Variants in FANCG observed in about 807,000 individuals in gnomAD.
FANCG encodes FA complementation group G, also known as Fanconi anemia group G protein.
A neutral mutation model predicts 73.3 loss-of-function variants in FANCG; 67 were observed. The ratio of observed to expected loss-of-function variants is 0.91; its 90% CI spans 0.75 to 1.12. The LOEUF is 1.12. Among genes scored for constraint, FANCG ranks in the 50% most tolerant of loss-of-function variants. The pLI, the probability that FANCG is intolerant of heterozygous loss-of-function variation, is 0.00. For synonymous variants in FANCG, 297 were observed against 311.6 expected (o/e 0.95, Z 0.49); for missense variants, 643 against 735.6 (o/e 0.87, Z 1.46).
Position 35,076,596 on chromosome 9 carries a change from G to C in FANCG, c.925-13C>G. 6.2e-7 allele frequency: 1 copy of C among 1,613,990 alleles called. No individual in the cohort carries two copies. The highest frequency in any genetic ancestry group is 8.5e-7 in the Non-Finnish European group (1 of 1,179,982). On this transcript the variant is annotated splice_polypyrimidine_tract_variant and intron_variant, in intron 7 of 13. Coordinates refer to ENST00000378643, the MANE Select transcript of FANCG (RefSeq NM_004629.2). Reference sequence around the variant, plus strand: ...GGACATTCAAGGCCTAAAAGAGAAAGAAAAAAATTGTATCTATAATCTTTG... The same window carrying C: ...GGACATTCAAGGCCTAAAAGAGAAACAAAAAAATTGTATCTATAATCTTTG...
rs1333976481 is a variant in FANCG at position 35,077,058 on chromosome 9, G to C, written c.690C>G (p.Ser230Arg). Residue 230 changes from serine to arginine, a missense_variant, in exon 6 of 14, where the codon AGC becomes AGG. Transcript: ENST00000378643. ...LITGNPDKALSSLHEAASGLC... is the reference protein window; with the variant it reads ...LITGNPDKALRSLHEAASGLC... ...GGCCTGAGGCCGCTTCATGAAGGCT[G>C]CTTAGTGCCTTGTCTGGGTTCCCTG... The C allele has an allele frequency of 6.2e-7, 1 of 1,614,126 alleles. No individual in the cohort carries two copies. Among genetic ancestry groups the C allele is most frequent in the Admixed American group, 1.7e-5 (1 of 60,010 alleles).
rs770011456 is a variant in FANCG, at chr9:35,075,082, C to G, written c.1481G>C (p.Gly494Ala). 1 of 1,613,894 alleles carries G rather than the reference C, an allele frequency of 6.2e-7. No homozygotes were observed. Residue 494 changes from glycine to alanine, a missense_variant and splice_region_variant, in exon 12 of 14, where the codon GGG (glycine) becomes GCG (alanine). Transcript: ENST00000378643. ...FRATPEEKEQ[G>A]AAFNCEQGCK... ...TCCCTGCTCACAGTTGAAAGCTGCC[C>G]CTGGGGACCACTCCCAAAGTCAAGA...
chr9:35,078,248 G>T lies in FANCG; in HGVS notation c.403C>A (p.Leu135Met). 1 of 1,614,194 alleles carries T rather than the reference G, an allele frequency of 6.2e-7. No individual in the cohort carries two copies. Among genetic ancestry groups the T allele is most frequent in the Non-Finnish European group, 8.5e-7 (1 of 1,180,036 alleles). The change falls in exon 4 of 14, where the codon CTG becomes ATG. Residue 135 changes from leucine (L) to methionine (M), a missense_variant. Coordinates refer to ENST00000378643, the MANE Select transcript of FANCG (RefSeq NM_004629.2). The part of the protein sequence containing the change: ...VLRASCLLPE[L>M]LSALHRLVGL... ...ACCAGGCGGTGCAGGGCAGACAGCA[G>T]CTCCGGCAGAAGGCAGGAAGCACGA...
rs749563301 is a variant in FANCG, at chr9:35,076,890, C to A, written c.778-20G>T. The A allele has an allele frequency of 6.2e-7, 1 of 1,614,098 alleles. No homozygotes were observed. The highest frequency in any genetic ancestry group is 8.5e-7 in the Non-Finnish European group (1 of 1,180,050). On this transcript the variant is annotated intron_variant, in intron 6 of 13. Coordinates refer to ENST00000378643, the MANE Select transcript of FANCG (RefSeq NM_004629.2). ...ATTTCCCTAAAGGGATAGGAGGACA[C>A]GGGCCTCAGCTACCCTTACAAAGCA... is the stretch of plus-strand genomic sequence containing the variant.
Position 35,074,429 on chromosome 9 carries a change from T to C in FANCG, c.1702A>G (p.Thr568Ala), listed in dbSNP as rs750212705. Residue 568 changes from threonine to alanine, a missense_variant, in exon 13 of 14, where the codon ACT becomes GCT. Thr to Ala is a moderately conservative substitution (Grantham distance 58, BLOSUM62 0). Transcript: ENST00000378643. ...GCCTCCAGCCTCCACCAGAGTGCAG[T>C]GGCCTCATCCCTCCGATCTAGCCTC... ...LKRLDRRDEA[T>A]ALWWRLEAQT... 2.1e-5 allele frequency: 34 copies of C among 1,614,092 alleles called. No individual in the cohort carries two copies. The East Asian group carries it at 4.5e-4, about 21-fold the overall frequency.
At chr9:35,078,008 C>T in intron 4 of FANCG, 133 bp downstream of exon 4, 1 of 858,778 alleles carries the variant, frequency 1.2e-6, no homozygotes, top group Non-Finnish European at 2.0e-6. Flanking sequence ...ACCCAAGAGT[C>T]CCAGAGAGAA....
At chr9:35,077,971 C>A in intron 4 of FANCG, 170 bp downstream of exon 4, 1 of 701,604 alleles carries the variant, frequency 1.4e-6, no homozygotes, top group Non-Finnish European at 2.6e-6. Flanking sequence ...AGAATCCCCA[C>A]AATGAGAGAC....
chr9:35,076,548 C>A lies in FANCG; in HGVS notation c.960G>T (p.Gln320His). The A allele has an allele frequency of 6.2e-7, 1 of 1,614,184 alleles. No homozygotes were observed. Among genetic ancestry groups the A allele is most frequent in the East Asian group, 2.2e-5 (1 of 44,886 alleles). Residue 320 changes from glutamine to histidine, a missense_variant, in exon 8 of 14, where the codon CAG becomes CAT. Physicochemically the swap from Gln to His is conservative, Grantham distance 24 (BLOSUM62 0). Coordinates refer to ENST00000378643, the MANE Select transcript of FANCG (RefSeq NM_004629.2). ...GTAGTAATTCTACCTCAATGAGAAA[C>A]TGCGGGGCTTTGGAACTGCATGGGA... ...LNVPCSSKAPQFLIEVELLLP... is the reference protein window; with the variant it reads ...LNVPCSSKAPHFLIEVELLLP...
At position 35,078,474 on chromosome 9, in the gene FANCG, T is replaced by A. The variant is rs1251893721; in HGVS notation, c.307+131A>T. On this transcript the variant is annotated intron_variant, in intron 3 of 13. Transcript: ENST00000378643. Reference sequence around the variant, plus strand: ...TCACAATAATAATACCTCAACCTGGTCTGAAGAGCACAGAGAAGGGCACCT... The same window carrying A: ...TCACAATAATAATACCTCAACCTGGACTGAAGAGCACAGAGAAGGGCACCT... 3 of 1,528,024 alleles carry A rather than the reference T, an allele frequency of 2.0e-6. No homozygotes were observed. The East Asian group carries it at 6.9e-5, about 35-fold the overall frequency. 94.7% of individuals were successfully genotyped at this position (1,528,024 alleles called of 1,614,324 possible).
chr9:35,075,294 C>G lies in FANCG; in HGVS notation c.1465G>C (p.Glu489Gln), dbSNP rs777969388. The change falls in exon 11 of 14, where the codon GAG (glutamate) becomes CAG (glutamine). Residue 489 changes from glutamate to glutamine, a missense_variant. Glu to Gln is a conservative substitution (Grantham distance 29). Transcript: ENST00000378643. ...CLELLFRATP[E>Q]EKEQGAAFNC... is the part of the protein sequence containing the mutation. The stretch of plus-strand genomic sequence containing the variant: ...TTTAGATCACCTTGTTCTTTTTCCT[C>G]AGGTGTGGCCCGGAAGAGCAGCTCG... The G allele has an allele frequency of 3.7e-6, 6 of 1,614,120 alleles. No individual in the cohort carries two copies. Among genetic ancestry groups the G allele is most frequent in the Non-Finnish European group, 5.1e-6 (6 of 1,180,030 alleles).
Position 35,079,903 on chromosome 9 carries a change from G to T in FANCG, c.-379C>A. 1 of 413,054 alleles carries T rather than the reference G, an allele frequency of 2.4e-6. No individual in the cohort carries two copies. Among genetic ancestry groups the T allele is most frequent in the African/African-American group, 2.0e-5 (1 of 50,484 alleles). The allele number at this position is 413,054 out of a possible 1,614,324, so 25.6% of individuals were successfully genotyped here. A position where few individuals can be genotyped will look rare whatever the true frequency, so the allele number is the denominator to read the frequency against. Reference sequence around the variant, plus strand: ...GGGCAGTCGCACGGCCGGCGGTGCGGCCCGCTCGGCTCTCGCGGAGGCCAC... The same window carrying T: ...GGGCAGTCGCACGGCCGGCGGTGCGTCCCGCTCGGCTCTCGCGGAGGCCAC... On this transcript the variant is annotated 5_prime_UTR_variant, in exon 1 of 14. Transcript: ENST00000378643.
rs1309705118 is a variant in FANCG, at chr9:35,073,997, C to G, written c.*111G>C. The G allele has an allele frequency of 2.3e-6, 2 of 866,226 alleles. No individual in the cohort carries two copies. Among genetic ancestry groups the G allele is most frequent in the Middle Eastern group, 5.0e-4 (2 of 4,010 alleles). 53.7% of individuals were successfully genotyped at this position (866,226 alleles called of 1,614,324 possible). Reference sequence around the variant, plus strand: ...CAGGCCTACCACCAATCTCACCAGTCCAGGAATTATATAGGAATGGTCACA... The same window carrying G: ...CAGGCCTACCACCAATCTCACCAGTGCAGGAATTATATAGGAATGGTCACA... On this transcript the variant is annotated 3_prime_UTR_variant, in exon 14 of 14. Transcript: ENST00000378643.
At chr9:35,075,900 G>GT in intron 9 of FANCG, 62 bp downstream of exon 9, 1 of 1,587,910 alleles carries the variant, frequency 6.3e-7, no homozygotes, top group Non-Finnish European at 8.6e-7. Flanking sequence ...CAGTCTTGCT[G>GT]TATTTCAAAG....
At chr9:35,076,664 AC>A in intron 7 of FANCG, 59 bp downstream of exon 7, 1 of 1,613,734 alleles carries the variant, frequency 6.2e-7, no homozygotes. Context: ...TAGTCAAGTC[AC>A]CCCATCACAA....
chr9:35,079,837 A>C lies in FANCG; in HGVS notation c.-313T>G. On this transcript the variant is annotated 5_prime_UTR_variant, in exon 1 of 14. Transcript: ENST00000378643. ...GGAGGAAACGAGTCAGCAACCCCAA[A>C]CAGGCTTAGGCGGGCTAGAAGCCGG... 1 of 468,464 alleles carries C rather than the reference A, an allele frequency of 2.1e-6. No individual in the cohort carries two copies. Among genetic ancestry groups the C allele is most frequent in the Non-Finnish European group, 4.0e-6 (1 of 251,216 alleles). The allele number at this position is 468,464 out of a possible 1,614,324, so 29.0% of individuals were successfully genotyped here.
chr9:35,079,612 G>T lies in FANCG; in HGVS notation c.-88C>A. On this transcript the variant is annotated 5_prime_UTR_variant, in exon 1 of 14. Coordinates refer to ENST00000378643, the MANE Select transcript of FANCG (RefSeq NM_004629.2). Reference sequence around the variant, plus strand: ...AAGCTCCCAACCCCAGCGGGGAGGGGCCTGGGCACTTCTGCACCCCGCCGA... The same window carrying T: ...AAGCTCCCAACCCCAGCGGGGAGGGTCCTGGGCACTTCTGCACCCCGCCGA... 7.3e-7 allele frequency: 1 copy of T among 1,363,278 alleles called. No homozygotes were observed. The highest frequency in any genetic ancestry group is 1.0e-6 in the Non-Finnish European group (1 of 957,424). 84.4% of individuals were successfully genotyped at this position (1,363,278 alleles called of 1,614,324 possible).
chr9:35,079,091 G>C (rs576236453), intron 2 of FANCG, 60 bp downstream of exon 2: 1 of 1,410,716 alleles, frequency 7.1e-7, no homozygotes, highest in Non-Finnish European at 9.8e-7. Context: ...AAACGCAGGA[G>C]CGGATGTTTC....
Position 35,078,156 on chromosome 9 carries a change from G to C in FANCG, c.495C>G (p.Thr165=), listed in dbSNP as rs1829120053. The C allele has an allele frequency of 1.2e-6, 2 of 1,613,950 alleles. No homozygotes were observed. Among genetic ancestry groups the C allele is most frequent in the Non-Finnish European group, 1.7e-6 (2 of 1,180,032 alleles). The part of the protein sequence containing the change: ...RLGDLALLLE[T]LNGSQSGASK... ...TCCCTATTACCTGGCTGCCATTCAGGGTCTCTAGTAACAAGGCCAGGTCCC... is the reference window on the plus strand; with the variant it reads ...TCCCTATTACCTGGCTGCCATTCAGCGTCTCTAGTAACAAGGCCAGGTCCC... Residue 165 remains threonine, a synonymous_variant, in exon 4 of 14, where the codon ACC becomes ACG. Coordinates refer to ENST00000378643, the MANE Select transcript of FANCG (RefSeq NM_004629.2).
chr9:35,077,146 G>C, intron 5 of FANCG, 45 bp from the exon 6 acceptor site: 3 of 1,614,092 alleles, frequency 1.9e-6, no homozygotes. Flanking sequence ...TATAGAGCAG[G>C]GGTCATGATG....
Sources: allele counts gnomAD v4.1 joint callset, GRCh38; gene constraint gnomAD v4.1.1; transcripts MANE v1.5; gene names NCBI Gene and HGNC (gene_info 2026-07-23, HGNC 2026-07-21).